BTRC: variants seen among roughly 807,000 people sequenced by gnomAD.
BTRC encodes beta-transducin repeat containing E3 ubiquitin protein ligase.
BTRC carries 42 observed loss-of-function variants against 85.5 expected under a neutral mutation model. The ratio of observed to expected loss-of-function variants is 0.49; its 90% CI spans 0.38 to 0.64. The LOEUF is 0.64. Among genes scored for constraint, BTRC ranks in the 30% least tolerant of loss-of-function variants. The pLI is 0.00. For missense variants in BTRC, 594 were observed against 743.5 expected (o/e 0.80, Z 2.34); for synonymous variants, 255 against 263.3 (o/e 0.97, Z 0.30).
intron 1 of BTRC, among the ~76,000 whole-genome samples, chr10:101,393,174 T>C (rs1943279891): frequency 6.6e-6 from 1 of 152,172 alleles, no homozygotes; most frequent in South Asian, 2.1e-4. Flanking sequence ...TGGAGATCCC[T>C]GGAGGGTGGT....
intron 4 of BTRC, among the ~76,000 whole-genome samples, chr10:101,484,102 C>A (rs777556782): frequency 6.6e-6 from 1 of 152,022 alleles, no homozygotes; most frequent in Non-Finnish European, 1.5e-5. Flanking sequence ...GGAAATAAAC[C>A]CCTTCAGTAG....
At chr10:101,537,431 G>A (rs111696383) in intron 12 of BTRC, among the ~76,000 whole-genome samples, 27 of 152,332 alleles carry the variant, frequency 1.8e-4, no homozygotes, top group African/African-American at 6.3e-4. Context: ...AGGAGGCTGA[G>A]GCAGGAGAAT....
intron 4 of BTRC, among the ~76,000 whole-genome samples, chr10:101,482,393 C>CTTTTT (rs55978440): frequency 3.7e-4 from 37 of 99,816 alleles, no homozygotes; most frequent in Non-Finnish European, 4.6e-4. Flanking sequence ...TTGTTTGTTT[C>CTTTTT]TTTTTTTTTT....
chr10:101,449,489 A>G (rs780031098), intron 2 of BTRC, among the ~76,000 whole-genome samples: 106 of 152,264 alleles, frequency 7.0e-4, no homozygotes, highest in Non-Finnish European at 9.0e-4. Flanking sequence ...ACACAAAACT[A>G]TATGCAGAGG....
intron 1 of BTRC, among the ~76,000 whole-genome samples, chr10:101,358,643 T>C (rs1381005962): frequency 3.3e-5 from 5 of 152,212 alleles, no homozygotes; most frequent in African/African-American, 1.2e-4. Flanking sequence ...TCACTTGGTA[T>C]TGGCTGAGGT....
intron 5 of BTRC, among the ~76,000 whole-genome samples, chr10:101,522,388 A>AAC (rs1564823772): frequency 2.2e-5 from 3 of 136,162 alleles, no homozygotes; most frequent in Non-Finnish European, 4.8e-5. Context: ...AAAAAAAAAA[A>AAC]AACTCTAGAA....
intron 5 of BTRC, among the ~76,000 whole-genome samples, chr10:101,523,753 GT>G (rs1164505013): frequency 6.6e-6 from 1 of 152,032 alleles, no homozygotes; most frequent in Non-Finnish European, 1.5e-5. Flanking sequence ...TTCTCTTAAT[GT>G]ATTTTTCTAA....
chr10:101,498,347 G>A (rs977314380), intron 4 of BTRC, among the ~76,000 whole-genome samples: 10 of 151,966 alleles, frequency 6.6e-5, no homozygotes, highest in African/African-American at 2.4e-4. Flanking sequence ...AGAGATGGGG[G>A]TTTCACTATT....
intron 4 of BTRC, among the ~76,000 whole-genome samples, chr10:101,485,933 A>G (rs1463589879): frequency 6.6e-6 from 1 of 152,224 alleles, no homozygotes; most frequent in Non-Finnish European, 1.5e-5. Context: ...ACCCGCACAG[A>G]GAGATCACAT....
At chr10:101,475,015 GA>G (rs1326047049) in intron 3 of BTRC, among the ~76,000 whole-genome samples, 1 of 152,014 alleles carries the variant, frequency 6.6e-6, no homozygotes, top group African/African-American at 2.4e-5. Context: ...AAAACATAGT[GA>G]ATTTTATTTT....
intron 2 of BTRC, among the ~76,000 whole-genome samples, chr10:101,446,783 AAACTTTAAAAAAAATT>A (rs1241200964): frequency 1.3e-5 from 2 of 152,144 alleles, no homozygotes; most frequent in African/African-American, 4.8e-5. Flanking sequence ...CATATGAGCA[AAACTTTAAAAAAAATT>A]AACCATGACT....
chr10:101,416,824 C>G (rs190909276), intron 1 of BTRC, among the ~76,000 whole-genome samples: 2 of 152,224 alleles, frequency 1.3e-5, no homozygotes, highest in African/African-American at 4.8e-5. Context: ...TGTTCTCTCT[C>G]TCATGGCTTC....
chr10:101,388,607 A>G (rs1943146166), intron 1 of BTRC, among the ~76,000 whole-genome samples: 1 of 152,156 alleles, frequency 6.6e-6, no homozygotes, highest in Non-Finnish European at 1.5e-5. Context: ...CTCCCACCTC[A>G]GCTTCCCAAG....
chr10:101,440,559 A>C (rs892387765), intron 2 of BTRC, among the ~76,000 whole-genome samples: 1 of 152,090 alleles, frequency 6.6e-6, no homozygotes, highest in African/African-American at 2.4e-5. Flanking sequence ...CATCTTTACC[A>C]AAAATACAAA....
intron 4 of BTRC, among the ~76,000 whole-genome samples, chr10:101,518,934 G>A (rs892769162): frequency 3.3e-5 from 5 of 152,154 alleles, no homozygotes; most frequent in African/African-American, 1.2e-4. Flanking sequence ...TATTAATTCT[G>A]TGTGTAGTTC....
At chr10:101,425,828 GA>G (rs908736107) in intron 1 of BTRC, among the ~76,000 whole-genome samples, 128 of 150,326 alleles carry the variant, frequency 8.5e-4, no homozygotes, top group African/African-American at 2.9e-3. Context: ...GAAAGAAAGG[GA>G]AAAAAAATTA....
At chr10:101,479,064 C>T (rs573667825) in intron 3 of BTRC, among the ~76,000 whole-genome samples, 1 of 151,884 alleles carries the variant, frequency 6.6e-6, no homozygotes, top group Non-Finnish European at 1.5e-5. Context: ...CTGTTTTAAA[C>T]AGAACTAAGC....
intron 3 of BTRC, among the ~76,000 whole-genome samples, chr10:101,477,529 A>G (rs1385931718): frequency 1.3e-5 from 2 of 151,016 alleles, no homozygotes; most frequent in Non-Finnish European, 3.0e-5. Flanking sequence ...GCCCAGGCTG[A>G]TCTCAAACTC....
In BTRC at chr10:101,547,204, A is replaced by G. The variant is rs543593448; in HGVS notation, c.1657-3495A>G. On this transcript the variant is annotated intron_variant, in intron 13 of 14. Transcript: ENST00000370187. ...AATTTGAGGAGCATCTGTATTTTAAACTATTTGATTCATGCTTGAACCCGG... is the reference window on the plus strand; with the variant it reads ...AATTTGAGGAGCATCTGTATTTTAAGCTATTTGATTCATGCTTGAACCCGG... Among the ~76,000 whole-genome samples the G allele has an allele frequency of 1.4e-3, 210 of 152,278 alleles. 1 individual carries two copies. Among genetic ancestry groups the G allele is most frequent in the Non-Finnish European group, 2.6e-3 (176 of 68,012 alleles).
Sources: allele counts gnomAD v4.1 joint callset (sites outside exome capture counted in the v4.1 genomes callset), GRCh38; gene constraint gnomAD v4.1.1; transcripts MANE v1.5; gene names NCBI Gene and HGNC (gene_info 2026-07-23, HGNC 2026-07-21).